Variants in NOP14 observed in about 807,000 individuals in gnomAD.
The protein encoded by NOP14 is NOP14 nucleolar protein.
A neutral mutation model predicts 101.6 loss-of-function variants in NOP14; 57 were observed. The observed-to-expected ratio is 0.56, with a 90% CI of 0.45 to 0.70. The LOEUF is 0.70. Among genes scored for constraint, NOP14 ranks in the 30% least tolerant of loss-of-function variants. The pLI is 0.00. For synonymous variants in NOP14, 428 were observed against 424.0 expected, an observed-to-expected ratio of 1.01 and a Z score of -0.12; for missense variants, 1,134 against 1,075.5, an observed-to-expected ratio of 1.05 and a Z score of -0.76.
rs1321957273 is a variant in NOP14 at position 2,948,273 on chromosome 4, C to T, written c.1413+5G>A. ...CAGCGCTCCACACACACTCAATCCA[C>T]GTACTTCTAATTTTGCTTTGTTTCC... is the stretch of plus-strand genomic sequence containing the variant. On this transcript the variant is annotated splice_donor_5th_base_variant and intron_variant, in intron 9 of 17. Coordinates refer to ENST00000416614, the MANE Select transcript of NOP14 (RefSeq NM_001291978.2). 1.0e-5 allele frequency: 16 copies of T among 1,596,866 alleles called. No homozygotes were observed. The highest frequency in any genetic ancestry group is 1.4e-5 in the Non-Finnish European group (16 of 1,174,856).
Position 2,942,190 on chromosome 4 carries a change from ACCGGATGTGATTGG to A in NOP14, c.2039_2051+1del. 1 of 1,613,466 alleles carries A rather than the reference ACCGGATGTGATTGG, an allele frequency of 6.2e-7. No homozygotes were observed. The highest frequency in any genetic ancestry group is 8.5e-7 in the Non-Finnish European group (1 of 1,179,612). On this transcript the variant is annotated splice_donor_variant and coding_sequence_variant, in exon 14 of 18. Transcript: ENST00000416614. LOFTEE classifies it high-confidence loss of function. ...GCCCCAAAGCGGGGTCCCCTCACAT[ACCGGATGTGATTGG>A]CCTCTGTCGAAGTTGGGGCCCTCAG... is the stretch of plus-strand genomic sequence containing the variant.
In NOP14 at chr4:2,938,612, C is replaced by G. The variant is rs1008686547; in HGVS notation, c.*219G>C. 1.3e-5 allele frequency: 7 copies of G among 551,806 alleles called. No individual in the cohort carries two copies. The highest frequency in any genetic ancestry group is 3.2e-5 in the Admixed American group (1 of 31,108). 34.2% of individuals were successfully genotyped at this position (551,806 alleles called of 1,614,324 possible). A position where few individuals can be genotyped will look rare whatever the true frequency, so the allele number is the denominator to read the frequency against. On this transcript the variant is annotated 3_prime_UTR_variant, in exon 18 of 18. Coordinates refer to ENST00000416614, the MANE Select transcript of NOP14 (RefSeq NM_001291978.2). ...TAACCTTGGACTCAGCTCAAGCAGTCCTCCTGCTTCAGCCTCCCGAGTAGT... is the reference window on the plus strand; with the variant it reads ...TAACCTTGGACTCAGCTCAAGCAGTGCTCCTGCTTCAGCCTCCCGAGTAGT...
intron 3 of NOP14, 101 bp downstream of exon 3, chr4:2,956,569 A>G (rs1199120527): frequency 1.3e-5 from 15 of 1,155,386 alleles, no homozygotes; most frequent in Non-Finnish European, 1.6e-5. Flanking sequence ...ACTTTCATGC[A>G]ATAACTTTCT....
At position 2,941,587 on chromosome 4, in the gene NOP14, G is replaced by T; in HGVS notation, c.2194C>A (p.Leu732Ile). Reference sequence around the variant, plus strand: ...TAGTGGCCGGGAAGCCTCACCTGGAGCTCCTGCGGGTGGCTGCAGTCCGCC... The same window carrying T: ...TAGTGGCCGGGAAGCCTCACCTGGATCTCCTGCGGGTGGCTGCAGTCCGCC... ...HLADCSHPQE[L>I]QELCQSTLTE... Residue 732 changes from leucine to isoleucine, a missense_variant, in exon 15 of 18, where the codon CTC (leucine) becomes ATC (isoleucine). By Grantham distance (5) the Leu-to-Ile change is conservative. Coordinates refer to ENST00000416614, the MANE Select transcript of NOP14 (RefSeq NM_001291978.2). The T allele has an allele frequency of 6.2e-7, 1 of 1,612,012 alleles. No individual in the cohort carries two copies. The highest frequency in any genetic ancestry group is 8.5e-7 in the Non-Finnish European group (1 of 1,179,718).
At chr4:2,960,742 A>ACTATTATAATCACATTAATATTAATATG (rs1560310610) in intron 1 of NOP14, among the ~76,000 whole-genome samples, 1 of 126,906 alleles carries the variant, frequency 7.9e-6, no homozygotes, top group African/African-American at 3.1e-5. Context: ...ATATTAATAT[A>ACTATTATAATCACATTAATATTAATATG]TTAATATTAT....
At chr4:2,949,301 T>C (rs1414822310) in intron 8 of NOP14, among the ~76,000 whole-genome samples, 1 of 152,140 alleles carries the variant, frequency 6.6e-6, no homozygotes, top group African/African-American at 2.4e-5. Context: ...CCTCCCAGGC[T>C]CAAGTGATCC....
At chr4:2,941,370 G>A (rs1051664400) in intron 15 of NOP14, 18 of 556,420 alleles carry the variant, frequency 3.2e-5, no homozygotes, top group Admixed American at 2.6e-4. Flanking sequence ...CCCAGCTGCC[G>A]CCTGAGATGC....
At chr4:2,958,198 G>T (rs1715478708) in intron 1 of NOP14, among the ~76,000 whole-genome samples, 1 of 152,186 alleles carries the variant, frequency 6.6e-6, no homozygotes, top group South Asian at 2.1e-4. Context: ...CAATAAACAA[G>T]TTAGCGAGGT....
intron 6 of NOP14, 101 bp from the exon 7 acceptor site, chr4:2,951,346 T>G (rs1281280269): frequency 9.5e-7 from 1 of 1,050,060 alleles, no homozygotes; most frequent in African/African-American, 1.6e-5. Context: ...CCTACGGTCC[T>G]CCCAGCTCTG....
intron 3 of NOP14, among the ~76,000 whole-genome samples, chr4:2,954,953 G>A (rs1217917436): frequency 6.6e-6 from 1 of 152,018 alleles, no homozygotes; most frequent in East Asian, 1.9e-4. Context: ...CCTGGGCAGG[G>A]CCTGGAGACT....
At chr4:2,952,204 T>C in intron 6 of NOP14, 71 bp downstream of exon 6, 2 of 1,556,918 alleles carry the variant, frequency 1.3e-6, no homozygotes, top group Non-Finnish European at 8.7e-7. Flanking sequence ...CAGCCCATCC[T>C]GCAAAATGGA....
chr4:2,959,396 T>G lies in NOP14; in HGVS notation c.196-1656A>C, dbSNP rs1484911533. The stretch of plus-strand genomic sequence containing the variant: ...TCACGAGGTTAGAAGATCAAGACCA[T>G]CCTGGGTAACATGGTGAAACCCCGT... On this transcript the variant is annotated intron_variant, in intron 1 of 17. Coordinates refer to ENST00000416614, the MANE Select transcript of NOP14 (RefSeq NM_001291978.2). Among the ~76,000 whole-genome samples, 11 of 152,140 alleles carry G rather than the reference T, an allele frequency of 7.2e-5. No homozygotes were observed. The South Asian group carries it at 1.7e-3, about 23-fold the overall frequency.
chr4:2,959,475 C>A (rs901893875), intron 1 of NOP14, among the ~76,000 whole-genome samples: 5 of 152,040 alleles, frequency 3.3e-5, no homozygotes, highest in African/African-American at 9.7e-5. Context: ...CGCCTGTAGT[C>A]CCAGCTACTC....
In NOP14 at chr4:2,952,368, C is replaced by G; in HGVS notation, c.777G>C (p.Glu259Asp). ...GCTGCGCCTTCATTTCAAAGCCAAGCTCGCGAACCATCATGTCATATGCAT... is the reference window on the plus strand; with the variant it reads ...GCTGCGCCTTCATTTCAAAGCCAAGGTCGCGAACCATCATGTCATATGCAT... Reference protein sequence around the residue: ...KPDAYDMMVRELGFEMKAQPS... With the variant: ...KPDAYDMMVRDLGFEMKAQPS... The change falls in exon 6 of 18, where the codon GAG (glutamate) becomes GAC (aspartate). Residue 259 changes from glutamate to aspartate, a missense_variant. Glu to Asp is a conservative substitution (Grantham distance 45). Transcript: ENST00000416614. 1 of 1,613,072 alleles carries G rather than the reference C, an allele frequency of 6.2e-7. No individual in the cohort carries two copies. The highest frequency in any genetic ancestry group is 8.5e-7 in the Non-Finnish European group (1 of 1,179,296).
In NOP14 at chr4:2,956,830, AG is replaced by A; in HGVS notation, c.331-20del. The A allele has an allele frequency of 6.4e-7, 1 of 1,569,996 alleles. No homozygotes were observed. The highest frequency in any genetic ancestry group is 8.6e-7 in the Non-Finnish European group (1 of 1,166,238). ...GATGTCGCTGACAGAAGAGAAAAAA[AG>A]TTTCCTAAAATTACCACTTCCATTT... On this transcript the variant is annotated intron_variant, in intron 2 of 17. Transcript: ENST00000416614.
At position 2,953,605 on chromosome 4, in the gene NOP14, G is replaced by T; in HGVS notation, c.653C>A (p.Thr218Lys). 8.1e-6 allele frequency: 13 copies of T among 1,614,076 alleles called. No individual in the cohort carries two copies. Among genetic ancestry groups the T allele is most frequent in the Non-Finnish European group, 1.1e-5 (13 of 1,180,012 alleles). Residue 218 changes from threonine (T) to lysine (K), a missense_variant, in exon 5 of 18, where the codon ACG (threonine) becomes AAG (lysine). Transcript: ENST00000416614. ...QAQREDALEL[T>K]EKLDQDWKEI... is the part of the protein sequence containing the mutation. ...TTTCCAGTCTTGGTCTAGCTTCTCC[G>T]TGAGCTCGAGGGCATCTTCTCGTTG...
intron 10 of NOP14, 106 bp from the exon 11 acceptor site, chr4:2,946,653 A>G: frequency 1.0e-6 from 1 of 980,368 alleles, no homozygotes; most frequent in South Asian, 1.5e-5. Context: ...CTGAGCAAGT[A>G]AGAACTGGAT....
Position 2,939,593 on chromosome 4 carries a change from C to A in NOP14, c.2252G>T (p.Arg751Leu). ...TEMESQKQLC[R>L]PLTCEKSKPV... ...CTTGCTCTTCTCACAGGTCAGCGGC[C>A]GGCAGAGCTGCTTCTGGCTTTCCAT... The change falls in exon 16 of 18, where the codon CGG becomes CTG. Residue 751 changes from arginine to leucine, a missense_variant. By Grantham distance (102) the Arg-to-Leu change is moderately radical. Transcript: ENST00000416614. 1.2e-6 allele frequency: 2 copies of A among 1,613,930 alleles called. No individual in the cohort carries two copies. Among genetic ancestry groups the A allele is most frequent in the Non-Finnish European group, 1.7e-6 (2 of 1,180,030 alleles).
At chr4:2,958,877 AAG>A (rs1715518925) in intron 1 of NOP14, among the ~76,000 whole-genome samples, 1 of 152,148 alleles carries the variant, frequency 6.6e-6, no homozygotes, top group East Asian at 1.9e-4. Flanking sequence ...CAGGAGCTGG[AAG>A]AGGAGGAAAA....
Sources: allele counts gnomAD v4.1 joint callset (sites outside exome capture counted in the v4.1 genomes callset), GRCh38; gene constraint gnomAD v4.1.1; transcripts MANE v1.5; gene names NCBI Gene and HGNC (gene_info 2026-07-23, HGNC 2026-07-21).